MPHOSPH6: variants seen among roughly 807,000 people sequenced by gnomAD.
The protein encoded by MPHOSPH6 is M-phase phosphoprotein 6.
A neutral mutation model predicts 21.8 loss-of-function variants in MPHOSPH6; 25 were observed. That is an observed-to-expected ratio of 1.15 (90% CI 0.83 to 1.60). MPHOSPH6 has a LOEUF of 1.60. MPHOSPH6 is among the 40% of genes most tolerant of loss of function. MPHOSPH6 has a pLI of 0.00. For missense variants in MPHOSPH6, 269 were observed against 181.8 expected (o/e 1.48, Z -2.76); for synonymous variants, 84 against 56.5 (o/e 1.49, Z -2.18).
rs2142402355 is a variant in MPHOSPH6, at chr16:82,148,755, C to A, written c.459G>T (p.Lys153Asn). Residue 153 changes from lysine (K) to asparagine (N), a missense_variant, in exon 5 of 5, where the codon AAG (lysine) becomes AAT (asparagine). Lys to Asn is a moderately conservative substitution (Grantham distance 94, BLOSUM62 0). Coordinates refer to ENST00000258169, the MANE Select transcript of MPHOSPH6 (RefSeq NM_005792.2). ...CTTAATCCTGGGGCTTTAAGAACAT[C>A]TTCTTTGCTTTAATTGGTGTTATGT... ...NGDITPIKAK[K>N]MFLKPQD The A allele has an allele frequency of 2.5e-6, 4 of 1,614,126 alleles. No individual in the cohort carries two copies. In the East Asian group the frequency reaches 8.9e-5, roughly 36 times the overall value.
At chr16:82,150,177 G>T (rs906424158) in intron 3 of MPHOSPH6, among the ~76,000 whole-genome samples, 1 of 151,844 alleles carries the variant, frequency 6.6e-6, no homozygotes, top group Non-Finnish European at 1.5e-5. Context: ...CAGTAATTAG[G>T]GCCATTTTCT....
chr16:82,163,618 T>C (rs1411506564), intron 2 of MPHOSPH6, among the ~76,000 whole-genome samples: 1 of 152,220 alleles, frequency 6.6e-6, no homozygotes, highest in East Asian at 1.9e-4. Flanking sequence ...ACACTATAGA[T>C]TCAGTAAATG....
rs749817567 is a variant in MPHOSPH6 at position 82,151,414 on chromosome 16, T to C, written c.255+10A>G. On this transcript the variant is annotated intron_variant, in intron 3 of 4. Coordinates refer to ENST00000258169, the MANE Select transcript of MPHOSPH6 (RefSeq NM_005792.2). ...AAAAATTTTTAATTTGAAGCAATTA[T>C]ATTTAATACCTCAACCTCAGGATTA... 8 of 1,603,540 alleles carry C rather than the reference T, an allele frequency of 5.0e-6. No individual in the cohort carries two copies. Among genetic ancestry groups the C allele is most frequent in the Non-Finnish European group, 6.8e-6 (8 of 1,177,032 alleles).
chr16:82,157,837 T>C (rs749105977), intron 2 of MPHOSPH6, among the ~76,000 whole-genome samples: 4 of 152,180 alleles, frequency 2.6e-5, no homozygotes, highest in African/African-American at 4.8e-5. Context: ...GAAGGGAATC[T>C]AACCTGCCTG....
chr16:82,170,107 C>T lies in MPHOSPH6; in HGVS notation c.51+18G>A. On this transcript the variant is annotated intron_variant, in intron 1 of 4. Transcript: ENST00000258169. ...GGTGCCCCTACCGCCCGGAGTGGCG[C>T]TCTCAGCGTCCCCGCACCTTCATGC... The T allele has an allele frequency of 6.3e-7, 1 of 1,588,502 alleles. No homozygotes were observed. Among genetic ancestry groups the T allele is most frequent in the Non-Finnish European group, 8.6e-7 (1 of 1,167,726 alleles).
At chr16:82,170,069 G>T in intron 1 of MPHOSPH6, 56 bp downstream of exon 1, 2 of 1,547,706 alleles carry the variant, frequency 1.3e-6, no homozygotes, top group Admixed American at 3.9e-5. Context: ...CCCCGGCCAG[G>T]TTGGAAGGAC....
intron 2 of MPHOSPH6, among the ~76,000 whole-genome samples, chr16:82,154,475 T>C (rs1040692361): frequency 1.3e-5 from 2 of 151,864 alleles, no homozygotes; most frequent in African/African-American, 2.4e-5. Context: ...AATCCCCTCA[T>C]AGAAAGAAAG....
intron 2 of MPHOSPH6, among the ~76,000 whole-genome samples, chr16:82,152,800 A>C (rs1308818727): frequency 6.6e-6 from 1 of 152,212 alleles, no homozygotes; most frequent in Admixed American, 6.5e-5. Flanking sequence ...TGACATATCT[A>C]TCTCCAGCCT....
chr16:82,170,155 T>C lies in MPHOSPH6; in HGVS notation c.21A>G (p.Thr7=), dbSNP rs754016292. MAAERK[T]RLSKNLLRMK... ...TGCGCAGTAGATTCTTGGACAACCT[T>C]GTCTTTCGCTCGGCCGCCATGGTAG... The change falls in exon 1 of 5, where the codon ACA becomes ACG. Residue 7 remains threonine, a synonymous_variant. Coordinates refer to ENST00000258169, the MANE Select transcript of MPHOSPH6 (RefSeq NM_005792.2). 6.3e-7 allele frequency: 1 copy of C among 1,595,366 alleles called. No homozygotes were observed. The highest frequency in any genetic ancestry group is 8.5e-7 in the Non-Finnish European group (1 of 1,171,174).
At chr16:82,158,056 C>G (rs962179256) in intron 2 of MPHOSPH6, among the ~76,000 whole-genome samples, 1 of 152,116 alleles carries the variant, frequency 6.6e-6, no homozygotes, top group African/African-American at 2.4e-5. Flanking sequence ...TCTTCACTGC[C>G]AGGCCCTCAC....
chr16:82,168,265 T>G (rs534186575), intron 1 of MPHOSPH6, among the ~76,000 whole-genome samples: 2 of 152,276 alleles, frequency 1.3e-5, no homozygotes, highest in African/African-American at 4.8e-5. Flanking sequence ...GCCAATTCAC[T>G]CCACTTCTCT....
chr16:82,160,524 T>G (rs1906574177), intron 2 of MPHOSPH6, among the ~76,000 whole-genome samples: 1 of 152,208 alleles, frequency 6.6e-6, no homozygotes, highest in East Asian at 1.9e-4. Flanking sequence ...ACAGTCTTCC[T>G]CTAAAGCGAA....
Position 82,151,515 on chromosome 16 carries a change from C to T in MPHOSPH6, c.165-1G>A. 6.4e-7 allele frequency: 1 copy of T among 1,571,262 alleles called. No homozygotes were observed. Among genetic ancestry groups the T allele is most frequent in the Non-Finnish European group, 8.6e-7 (1 of 1,163,042 alleles). ...ACTCTGCTCTTCTATTATGAAACTCCTAAATGGGAAAATAAAAATAGCATT... is the reference window on the plus strand; with the variant it reads ...ACTCTGCTCTTCTATTATGAAACTCTTAAATGGGAAAATAAAAATAGCATT... On this transcript the variant is annotated splice_acceptor_variant, in intron 2 of 4. Transcript: ENST00000258169. LOFTEE classifies it high-confidence loss of function.
chr16:82,166,542 G>A (rs752689358), intron 1 of MPHOSPH6, among the ~76,000 whole-genome samples: 2 of 152,142 alleles, frequency 1.3e-5, no homozygotes, highest in African/African-American at 2.4e-5. Flanking sequence ...GTTCACCATC[G>A]TGCTGCTTTG....
intron 1 of MPHOSPH6, among the ~76,000 whole-genome samples, chr16:82,164,459 G>C (rs1161878363): frequency 1.3e-5 from 2 of 152,226 alleles, no homozygotes; most frequent in African/African-American, 4.8e-5. Flanking sequence ...ACATTCGAAG[G>C]TCTTGTGCTC....
chr16:82,152,953 G>A (rs554477304), intron 2 of MPHOSPH6, among the ~76,000 whole-genome samples: 21 of 152,278 alleles, frequency 1.4e-4, no homozygotes, highest in African/African-American at 4.1e-4. Context: ...ATCAAACTGC[G>A]GAAACAGCCA....
intron 1 of MPHOSPH6, 96 bp from the exon 2 acceptor site, chr16:82,164,290 T>G (rs754352017): frequency 3.9e-6 from 3 of 765,770 alleles, no homozygotes; most frequent in Non-Finnish European, 6.3e-6. Context: ...TCTCCTTCAT[T>G]TATCTATGGA....
intron 1 of MPHOSPH6, among the ~76,000 whole-genome samples, chr16:82,169,879 C>G (rs1459753365): frequency 2.0e-5 from 3 of 152,204 alleles, no homozygotes; most frequent in African/African-American, 7.2e-5. Flanking sequence ...TAAGCTGTAC[C>G]CTGACTGCTT....
At chr16:82,158,055 C>T (rs1196256382) in intron 2 of MPHOSPH6, among the ~76,000 whole-genome samples, 1 of 152,094 alleles carries the variant, frequency 6.6e-6, no homozygotes, top group Non-Finnish European at 1.5e-5. Flanking sequence ...TTCTTCACTG[C>T]CAGGCCCTCA....
Sources: allele counts gnomAD v4.1 joint callset (sites outside exome capture counted in the v4.1 genomes callset), GRCh38; gene constraint gnomAD v4.1.1; transcripts MANE v1.5; gene names NCBI Gene and HGNC (gene_info 2026-07-23, HGNC 2026-07-21).